GIT2: variants seen among roughly 807,000 people sequenced by gnomAD.
The protein encoded by GIT2 is GIT ArfGAP 2.
Under a neutral mutation model 100.3 loss-of-function variants are expected in GIT2, and 32 were observed. The ratio of observed to expected loss-of-function variants is 0.32; its 90% CI spans 0.24 to 0.43. The LOEUF (loss-of-function observed/expected upper bound fraction) is 0.43, where lower values mean the gene tolerates loss of function less well. Among genes scored for constraint, GIT2 ranks in the 20% least tolerant of loss-of-function variants. GIT2 has a pLI of 1.00. For missense variants in GIT2, 737 were observed against 975.1 expected (o/e 0.76, Z 3.25); for synonymous variants, 353 against 364.1 (o/e 0.97, Z 0.35).
Position 109,962,244 on chromosome 12 carries a change from T to G in GIT2, c.817-559A>C, listed in dbSNP as rs1035626278. 1.3e-5 allele frequency among the ~76,000 whole-genome samples: 2 copies of G among 152,144 alleles called. No homozygotes were observed. Among genetic ancestry groups the G allele is most frequent in the East Asian group, 3.9e-4 (2 of 5,194 alleles). On this transcript the variant is annotated intron_variant, in intron 9 of 19. Transcript: ENST00000355312. The surrounding 1 kb of genome is among the most constrained non-coding windows in gnomAD (Gnocchi z 4.3). ...GGTGCACACTTGTAGTGCCAACTAC[T>G]CAGGAGGCTGAGGCAGGAGGATCAC... is the stretch of plus-strand genomic sequence containing the variant.
intron 12 of GIT2, among the ~76,000 whole-genome samples, chr12:109,958,545 T>C (rs1357526222): frequency 1.3e-5 from 2 of 152,124 alleles, no homozygotes; most frequent in Non-Finnish European, 2.9e-5. Flanking sequence ...GCCCAGGCCA[T>C]TTTAAGACTT....
In GIT2 at chr12:109,983,629, T is replaced by C; in HGVS notation, c.471A>G (p.Ala157=). ...ETCLRLLSLG[A]QANFFHPEKG... ...TTACAGGATGAAAGAAGTTGGCTTG[T>C]GCTCCTAAAGATAACAGTCTCAAAC... The change falls in exon 5 of 20, where the codon GCA becomes GCG. Residue 157 remains alanine (A), a synonymous_variant. Transcript: ENST00000355312. The C allele has an allele frequency of 6.2e-7, 1 of 1,612,602 alleles. No homozygotes were observed. Among genetic ancestry groups the C allele is most frequent in the Non-Finnish European group, 8.5e-7 (1 of 1,178,640 alleles).
upstream of GIT2, chr12:109,997,772 G>A (rs1291935379): frequency 6.6e-6 from 1 of 152,168 alleles, no homozygotes; most frequent in Non-Finnish European, 1.5e-5. Context: ...TCTAATTACT[G>A]TTTTTCTTCA....
chr12:109,987,122 C>A (rs1566016672), intron 4 of GIT2, among the ~76,000 whole-genome samples: 1 of 152,018 alleles, frequency 6.6e-6, no homozygotes, highest in Non-Finnish European at 1.5e-5. Context: ...GTGGCTCCTG[C>A]CTGTAATCCC....
At chr12:109,986,691 G>A (rs1887449713) in intron 4 of GIT2, among the ~76,000 whole-genome samples, 1 of 152,160 alleles carries the variant, frequency 6.6e-6, no homozygotes, top group South Asian at 2.1e-4. Context: ...CATGAACCCG[G>A]GAGGCGGAGC....
In GIT2 at chr12:109,932,966, G is replaced by GC. The variant is rs772435231; in HGVS notation, c.*11dup. 1.7e-4 allele frequency: 262 copies of GC among 1,520,816 alleles called. 1 individual carries two copies. Among genetic ancestry groups the GC allele is most frequent in the South Asian group, 4.9e-4 (44 of 89,282 alleles). 94.2% of individuals were successfully genotyped at this position (1,520,816 alleles called of 1,614,324 possible). ...AAGCCTAGAAAACAGAGGAGGCGGTGCCCTGCCCTTGTCAGTTGTTGTTCT... is the reference window on the plus strand; with the variant it reads ...AAGCCTAGAAAACAGAGGAGGCGGTGCCCCTGCCCTTGTCAGTTGTTGTTCT... On this transcript the variant is annotated 3_prime_UTR_variant, in exon 20 of 20. Coordinates refer to ENST00000355312, the MANE Select transcript of GIT2 (RefSeq NM_057169.5).
chr12:109,996,112 C>G (rs2137042040), intron 1 of GIT2, 61 bp downstream of exon 1: 2 of 1,118,754 alleles, frequency 1.8e-6, no homozygotes, highest in African/African-American at 1.6e-5. Flanking sequence ...AGGGGGCGGC[C>G]CCGGGGTAGG....
Position 109,945,265 on chromosome 12 carries a change from G to C in GIT2, c.1726C>G (p.Arg576Gly). The change falls in exon 16 of 20, where the codon CGA becomes GGA. Residue 576 changes from arginine (R) to glycine (G), a missense_variant. This residue lies in a region of GIT2 where 451 missense variants were observed against 543.7 expected (regional missense o/e 0.83). Coordinates refer to ENST00000355312, the MANE Select transcript of GIT2 (RefSeq NM_057169.5). ...CCATTCAGAATGTACTTAACCCTTC[G>C]GGCGCTTTCGTCCCTCGACCAGGAA... ...TLSWSRDESA[R>G]RASRLEKQNS... The C allele has an allele frequency of 6.6e-7, 1 of 1,510,584 alleles. No homozygotes were observed. The allele number at this position is 1,510,584 out of a possible 1,614,324, so 93.6% of individuals were successfully genotyped here. A position where few individuals can be genotyped will look rare whatever the true frequency, so the allele number is the denominator to read the frequency against.
At position 109,989,726 on chromosome 12, in the gene GIT2, C is replaced by G; in HGVS notation, c.263G>C (p.Ser88Thr). 1 of 1,589,654 alleles carries G rather than the reference C, an allele frequency of 6.3e-7. No homozygotes were observed. The highest frequency in any genetic ancestry group is 1.7e-4 in the Middle Eastern group (1 of 6,010). ...HSLLDPASIM[S>T]GRRKANPQDK... is the part of the protein sequence containing the mutation. ...CTGTGGATTAGCTTTACGTCTTCCACTCATAATAGACGCAGGGTCCAGCAA... is the reference window on the plus strand; with the variant it reads ...CTGTGGATTAGCTTTACGTCTTCCAGTCATAATAGACGCAGGGTCCAGCAA... The change falls in exon 3 of 20, where the codon AGT becomes ACT. Residue 88 changes from serine to threonine, a missense_variant. By Grantham distance (58) the Ser-to-Thr change is moderately conservative (BLOSUM62 1). This residue lies in a region of GIT2 where 266 missense variants were observed against 376.2 expected (regional missense o/e 0.71). Coordinates refer to ENST00000355312, the MANE Select transcript of GIT2 (RefSeq NM_057169.5).
intron 12 of GIT2, among the ~76,000 whole-genome samples, chr12:109,954,896 CAA>C (rs1158089528): frequency 5.7e-5 from 6 of 105,130 alleles, no homozygotes; most frequent in Admixed American, 1.0e-4. Context: ...GACTCTGTCT[CAA>C]AAAAAAAAAA....
intron 7 of GIT2, among the ~76,000 whole-genome samples, chr12:109,980,601 G>T (rs889960635): frequency 6.6e-6 from 1 of 152,102 alleles, no homozygotes; most frequent in African/African-American, 2.4e-5. Context: ...TCCTTAAGAA[G>T]AATTTTTCAA....
At chr12:109,995,599 C>T (rs531129833) in intron 1 of GIT2, among the ~76,000 whole-genome samples, 1 of 152,160 alleles carries the variant, frequency 6.6e-6, no homozygotes, top group Non-Finnish European at 1.5e-5. Flanking sequence ...CGTTCAGATC[C>T]TCAAACTTGA....
intron 18 of GIT2, among the ~76,000 whole-genome samples, chr12:109,937,894 G>A (rs2136154558): frequency 6.6e-6 from 1 of 152,272 alleles, no homozygotes; most frequent in Admixed American, 6.5e-5. Context: ...ATAGACACAG[G>A]GTTTCACCAT....
chr12:109,947,167 G>C lies in GIT2; in HGVS notation c.1641+89C>G. The C allele has an allele frequency of 7.7e-7, 1 of 1,305,766 alleles. No individual in the cohort carries two copies. Among genetic ancestry groups the C allele is most frequent in the Non-Finnish European group, 1.1e-6 (1 of 936,542 alleles). 80.9% of individuals were successfully genotyped at this position (1,305,766 alleles called of 1,614,324 possible). On this transcript the variant is annotated intron_variant, in intron 15 of 19. Transcript: ENST00000355312. The surrounding 1 kb of genome is among the most constrained non-coding windows in gnomAD (Gnocchi z 4.3). Reference sequence around the variant, plus strand: ...TCTCTTAGTCCAATTTGGCAAAGCAGAGCTGTGGGGACCTGTAGGTTCAGA... The same window carrying C: ...TCTCTTAGTCCAATTTGGCAAAGCACAGCTGTGGGGACCTGTAGGTTCAGA...
At chr12:109,980,060 A>G (rs1047979106) in intron 7 of GIT2, among the ~76,000 whole-genome samples, 8 of 152,158 alleles carry the variant, frequency 5.3e-5, no homozygotes, top group Non-Finnish European at 7.3e-5. Context: ...TTCTTGCAAT[A>G]AAACTTTATT....
intron 12 of GIT2, among the ~76,000 whole-genome samples, chr12:109,959,607 G>A (rs931580559): frequency 3.3e-5 from 5 of 152,092 alleles, no homozygotes; most frequent in African/African-American, 1.2e-4. Flanking sequence ...GGGCTGAGGG[G>A]AGGGAACCTA....
chr12:109,958,926 C>A (rs1880305025), intron 12 of GIT2, among the ~76,000 whole-genome samples: 1 of 152,094 alleles, frequency 6.6e-6, no homozygotes, highest in Non-Finnish European at 1.5e-5. Context: ...GCTCAGAGCT[C>A]TCCTTATAAT....
At chr12:109,974,978 C>T (rs1445216225) in intron 7 of GIT2, among the ~76,000 whole-genome samples, 1 of 152,104 alleles carries the variant, frequency 6.6e-6, no homozygotes, top group Non-Finnish European at 1.5e-5. Flanking sequence ...ACTATTATGC[C>T]TTCTTGATGA....
At position 109,961,383 on chromosome 12, in the gene GIT2, G is replaced by A; in HGVS notation, c.890-8C>T. ...TTTGCGTGGCAAGCCAGACTAGTCAGAGGAAAGAGCCAGAGACAAACCTCA... is the reference window on the plus strand; with the variant it reads ...TTTGCGTGGCAAGCCAGACTAGTCAAAGGAAAGAGCCAGAGACAAACCTCA... On this transcript the variant is annotated splice_region_variant and splice_polypyrimidine_tract_variant and intron_variant, in intron 10 of 19. Coordinates refer to ENST00000355312, the MANE Select transcript of GIT2 (RefSeq NM_057169.5). The A allele has an allele frequency of 6.3e-7, 1 of 1,576,684 alleles. No homozygotes were observed.
Sources: allele counts gnomAD v4.1 joint callset (sites outside exome capture counted in the v4.1 genomes callset), GRCh38; gene constraint gnomAD v4.1.1; regional missense constraint gnomAD v4.1.1; non-coding constraint Gnocchi (gnomAD v3.1); transcripts MANE v1.5; gene names NCBI Gene and HGNC (gene_info 2026-07-23, HGNC 2026-07-21).